Variants in DLGAP2 observed in about 807,000 individuals in gnomAD.
DLGAP2 encodes DLG associated protein 2.
A neutral mutation model predicts 100.3 loss-of-function variants in DLGAP2; 26 were observed. The observed-to-expected ratio is 0.26, with a 90% confidence interval of 0.19 to 0.36. The LOEUF (loss-of-function observed/expected upper bound fraction) is 0.36. Ranked by LOEUF, DLGAP2 falls within the 10% of genes least tolerant of loss-of-function variation. The pLI, the probability that DLGAP2 is intolerant of heterozygous loss-of-function variation, is 1.00. For missense variants in DLGAP2, 1,858 were observed against 1,453.2 expected (o/e 1.28, Z -4.53); for synonymous variants, 886 against 630.1 (o/e 1.41, Z -6.08).
In DLGAP2 at chr8:1,682,853, A is replaced by G. The variant is rs370386512; in HGVS notation, c.2704+4224A>G. Among the ~76,000 whole-genome samples, 140 of 151,782 alleles carry G rather than the reference A, an allele frequency of 9.2e-4. 2 individuals carry two copies. Among genetic ancestry groups the G allele is most frequent in the African/African-American group, 3.0e-3 (125 of 41,484 alleles). On this transcript the variant is annotated intron_variant, in intron 12 of 14. Coordinates refer to ENST00000637795, the MANE Select transcript of DLGAP2 (RefSeq NM_001346810.2). ...ATTTTTCTTCAGTAAGGTAGGGTGG[A>G]AAATTAATTTTTGCTGACTCCAAAT...
chr8:1,024,309 G>A (rs1466426510), intron 2 of DLGAP2, among the ~76,000 whole-genome samples: 9 of 126,900 alleles, frequency 7.1e-5, no homozygotes, highest in African/African-American at 1.2e-4. Context: ...CCCGTGCCGA[G>A]GCAGACACCC....
intron 3 of DLGAP2, among the ~76,000 whole-genome samples, chr8:1,373,970 T>C (rs918035921): frequency 6.6e-6 from 1 of 152,224 alleles, no homozygotes; most frequent in African/African-American, 2.4e-5. Context: ...TTTCTCTTTA[T>C]TGTAACCCAA....
At chr8:1,539,413 G>A (rs1024639746) in intron 4 of DLGAP2, among the ~76,000 whole-genome samples, 5 of 152,082 alleles carry the variant, frequency 3.3e-5, no homozygotes, top group Admixed American at 1.3e-4. Context: ...CAACACTGGC[G>A]ACTGTTCCTA....
At chr8:763,371 A>G (rs1470006890) in intron 1 of DLGAP2, among the ~76,000 whole-genome samples, 1 of 152,212 alleles carries the variant, frequency 6.6e-6, no homozygotes, top group African/African-American at 2.4e-5. Context: ...AGAGCCCTCC[A>G]TGGTTATCAG....
chr8:1,194,590 C>A (rs550777400), intron 2 of DLGAP2, among the ~76,000 whole-genome samples: 136 of 152,310 alleles, frequency 8.9e-4, no homozygotes, highest in African/African-American at 3.1e-3. Flanking sequence ...CAAGCACCCA[C>A]GCCTGCCTGT....
intron 2 of DLGAP2, among the ~76,000 whole-genome samples, chr8:1,203,741 C>G (rs1159417545): frequency 6.6e-6 from 1 of 152,196 alleles, no homozygotes; most frequent in Non-Finnish European, 1.5e-5. Context: ...TCTCCACTCT[C>G]ACTTTACAGT....
intron 2 of DLGAP2, among the ~76,000 whole-genome samples, chr8:1,240,268 G>T (rs73670686): frequency 7.8e-6 from 1 of 128,790 alleles, no homozygotes; most frequent in African/African-American, 2.8e-5. Context: ...ACATGGCGCC[G>T]TGTCTAGTTC....
chr8:1,629,097 G>T (rs1797582189), intron 7 of DLGAP2, among the ~76,000 whole-genome samples: 1 of 152,222 alleles, frequency 6.6e-6, no homozygotes, highest in Non-Finnish European at 1.5e-5. Flanking sequence ...CTGGGGCTCA[G>T]TAAGCACAAG....
intron 12 of DLGAP2, among the ~76,000 whole-genome samples, chr8:1,682,245 A>C (rs909539571): frequency 6.6e-5 from 10 of 152,188 alleles, no homozygotes; most frequent in African/African-American, 2.2e-4. Flanking sequence ...GCCATTGGAA[A>C]ATAAGTGGCA....
chr8:1,063,856 T>C (rs1175835958), intron 2 of DLGAP2, among the ~76,000 whole-genome samples: 1 of 152,206 alleles, frequency 6.6e-6, no homozygotes, highest in African/African-American at 2.4e-5. Flanking sequence ...ATGGTGTCTG[T>C]TGTGGCCTTT....
intron 5 of DLGAP2, among the ~76,000 whole-genome samples, chr8:1,551,442 C>A (rs1801763601): frequency 6.6e-6 from 1 of 152,152 alleles, no homozygotes. Flanking sequence ...CCAATGCCTG[C>A]CACTCTCCCC....
chr8:1,231,727 C>T (rs541654076), intron 2 of DLGAP2, among the ~76,000 whole-genome samples: 1 of 152,064 alleles, frequency 6.6e-6, no homozygotes, highest in African/African-American at 2.4e-5. Flanking sequence ...AACACAGGAA[C>T]AGAAAATCAA....
intron 13 of DLGAP2, among the ~76,000 whole-genome samples, chr8:1,696,102 C>A (rs183068262): frequency 5.8e-4 from 88 of 152,320 alleles, no homozygotes; most frequent in African/African-American, 1.9e-3. Flanking sequence ...ACTGCTGAAA[C>A]CATAAGCAAA....
intron 2 of DLGAP2, among the ~76,000 whole-genome samples, chr8:1,138,463 A>G (rs994296845): frequency 5.9e-5 from 9 of 152,214 alleles, no homozygotes; most frequent in Admixed American, 1.3e-4. Context: ...GGCCTCACTC[A>G]TGGCCATCGG....
intron 6 of DLGAP2, among the ~76,000 whole-genome samples, chr8:1,590,597 G>C (rs923672495): frequency 2.0e-5 from 3 of 152,180 alleles, no homozygotes; most frequent in Admixed American, 6.5e-5. Flanking sequence ...ATGAAGAGCA[G>C]TAACTTTAGC....
chr8:1,517,881 C>A (rs1800448442), intron 4 of DLGAP2, among the ~76,000 whole-genome samples: 3 of 152,198 alleles, frequency 2.0e-5, no homozygotes, highest in Non-Finnish European at 2.9e-5. Flanking sequence ...AAGACAGAGA[C>A]TGGGGAGCCT....
At chr8:1,629,854 C>T (rs767454798) in intron 7 of DLGAP2, among the ~76,000 whole-genome samples, 14 of 152,196 alleles carry the variant, frequency 9.2e-5, no homozygotes, top group Non-Finnish European at 1.5e-4. Context: ...AGGCTCTTTG[C>T]GACTCGTCGT....
chr8:1,469,208 C>A (rs953397310), intron 3 of DLGAP2, among the ~76,000 whole-genome samples: 1 of 152,246 alleles, frequency 6.6e-6, no homozygotes, highest in Non-Finnish European at 1.5e-5. Context: ...TTCCTCCCCT[C>A]GCCCAGCTCC....
intron 2 of DLGAP2, among the ~76,000 whole-genome samples, chr8:948,371 G>A (rs1220364886): frequency 4.6e-5 from 7 of 152,194 alleles, no homozygotes; most frequent in Non-Finnish European, 8.8e-5. Flanking sequence ...GAAGTAAGAC[G>A]TGAGCTCGGC....
Sources: gnomAD v4.1 joint callset for allele counts (sites outside exome capture counted in the v4.1 genomes callset) on GRCh38, gnomAD v4.1.1 for gene constraint, MANE v1.5 for transcripts, NCBI Gene and HGNC (gene_info 2026-07-23, HGNC 2026-07-21) for gene names.